Variants in KIF26B observed in about 807,000 individuals in gnomAD.
The protein encoded by KIF26B is kinesin-like protein KIF26B.
In KIF26B, 63 loss-of-function variants were observed where a neutral mutation model predicts 151.2. The observed-to-expected ratio is 0.42, with a 90% CI of 0.34 to 0.51. The LOEUF (loss-of-function observed/expected upper bound fraction) is 0.51. KIF26B is among the 20% of genes least tolerant of loss of function. The pLI, the probability that KIF26B is intolerant of heterozygous loss-of-function variation, is 0.07. For synonymous variants in KIF26B, 1,357 were observed against 1,262.1 expected (o/e 1.08, Z -1.59); for missense variants, 2,813 against 2,913.6 (o/e 0.97, Z 0.79).
chr1:245,377,713 G>A (rs1673310409), intron 3 of KIF26B, among the ~76,000 whole-genome samples: 1 of 152,172 alleles, frequency 6.6e-6, no homozygotes, highest in African/African-American at 2.4e-5. Context: ...GTACATGCGG[G>A]CTCTTTCCTT....
chr1:245,405,569 C>G (rs536553717), intron 3 of KIF26B, among the ~76,000 whole-genome samples: 1 of 151,824 alleles, frequency 6.6e-6, no homozygotes, highest in Non-Finnish European at 1.5e-5. Flanking sequence ...GACTCTCCCT[C>G]TCTGTATTTC....
chr1:245,175,856 C>T (rs1387145901), intron 2 of KIF26B, among the ~76,000 whole-genome samples: 1 of 150,822 alleles, frequency 6.6e-6, no homozygotes, highest in African/African-American at 2.4e-5. Flanking sequence ...GAAATTTTGC[C>T]TCAATGTTTA....
chr1:245,162,939 T>C (rs1417136952), intron 2 of KIF26B, among the ~76,000 whole-genome samples: 1 of 152,254 alleles, frequency 6.6e-6, no homozygotes, highest in Non-Finnish European at 1.5e-5. Context: ...TTTAGATCTC[T>C]AATCCATTGA....
chr1:245,174,082 G>A (rs923867154), intron 2 of KIF26B, among the ~76,000 whole-genome samples: 4 of 152,160 alleles, frequency 2.6e-5, no homozygotes, highest in South Asian at 2.1e-4. Context: ...TAATTACATC[G>A]CACATTTTGC....
intron 2 of KIF26B, among the ~76,000 whole-genome samples, chr1:245,350,480 C>T (rs1259492723): frequency 6.6e-6 from 1 of 152,150 alleles, no homozygotes; most frequent in Non-Finnish European, 1.5e-5. Context: ...CCAGTCTCAT[C>T]CCAGTGCAAA....
intron 2 of KIF26B, among the ~76,000 whole-genome samples, chr1:245,236,661 G>A (rs1044615794): frequency 2.0e-5 from 3 of 152,234 alleles, no homozygotes; most frequent in Non-Finnish European, 2.9e-5. Context: ...ATTTTTCCTT[G>A]TCCTTTCCTA....
At chr1:245,331,846 G>T (rs1279502119) in intron 2 of KIF26B, among the ~76,000 whole-genome samples, 1 of 152,096 alleles carries the variant, frequency 6.6e-6, no homozygotes, top group East Asian at 1.9e-4. Context: ...TCATCAGGAG[G>T]CCAGGCGTGG....
chr1:245,408,751 G>T (rs4658458), intron 3 of KIF26B, among the ~76,000 whole-genome samples: 34,638 of 151,940 alleles, frequency 0.23, 6,091 homozygotes, highest in African/African-American at 0.49. Context: ...TGGATGATGT[G>T]GGCCTGAGCT....
At chr1:245,305,625 C>G (rs1671520982) in intron 2 of KIF26B, among the ~76,000 whole-genome samples, 2 of 152,068 alleles carry the variant, frequency 1.3e-5, no homozygotes, top group Non-Finnish European at 2.9e-5. Flanking sequence ...GAAATTGAAT[C>G]CTTATACATT....
intron 5 of KIF26B, among the ~76,000 whole-genome samples, chr1:245,580,495 G>T (rs1241810134): frequency 6.6e-6 from 1 of 152,246 alleles, no homozygotes; most frequent in Non-Finnish European, 1.5e-5. Context: ...AGAGTGCCAG[G>T]ATGGCCTAGG....
chr1:245,660,005 C>T (rs910411251), intron 10 of KIF26B, among the ~76,000 whole-genome samples: 4 of 151,754 alleles, frequency 2.6e-5, no homozygotes, highest in Admixed American at 6.6e-5. Context: ...GCCGAGATCA[C>T]GCCATTGCAC....
At chr1:245,622,457 G>T (rs2043673918) in intron 9 of KIF26B, among the ~76,000 whole-genome samples, 1 of 152,208 alleles carries the variant, frequency 6.6e-6, no homozygotes. Flanking sequence ...GAGCAGTGCT[G>T]CATCAGCCTT....
chr1:245,384,787 A>G (rs1409414699), intron 3 of KIF26B, among the ~76,000 whole-genome samples: 2 of 152,276 alleles, frequency 1.3e-5, no homozygotes, highest in East Asian at 3.8e-4. Context: ...TTATGTTAAT[A>G]GTAAACTTGT....
At chr1:245,493,917 C>T (rs543686480) in intron 4 of KIF26B, among the ~76,000 whole-genome samples, 2 of 152,226 alleles carry the variant, frequency 1.3e-5, no homozygotes, top group African/African-American at 4.8e-5. Flanking sequence ...CCCTTTGAAG[C>T]ATTTGCCAAA....
At position 245,532,557 on chromosome 1, in the gene KIF26B, C is replaced by T. The variant is rs115533548; in HGVS notation, c.1167-8210C>T. 9.6e-3 allele frequency among the ~76,000 whole-genome samples: 1,455 copies of T among 152,082 alleles called. 16 individuals are homozygous for T. The highest frequency in any genetic ancestry group is 0.033 in the African/African-American group (1,353 of 41,490). ...GAAATTTTTAAGGGTAAATTCACAG[C>T]GATGATTTCCATTGGTTAACTCTGT... On this transcript the variant is annotated intron_variant, in intron 4 of 14. Coordinates refer to ENST00000407071, the MANE Select transcript of KIF26B (RefSeq NM_018012.4).
chr1:245,523,080 G>A (rs773503216), intron 4 of KIF26B, among the ~76,000 whole-genome samples: 5 of 152,102 alleles, frequency 3.3e-5, no homozygotes, highest in African/African-American at 4.8e-5. Flanking sequence ...TTACAGCTGG[G>A]GAAACTGTGG....
At chr1:245,487,990 G>T (rs1660319183) in intron 4 of KIF26B, among the ~76,000 whole-genome samples, 1 of 152,004 alleles carries the variant, frequency 6.6e-6, no homozygotes, top group African/African-American at 2.4e-5. Context: ...GCTTCTCCAA[G>T]TCGGCCACGT....
Position 245,611,904 on chromosome 1 carries a change from C to T in KIF26B, c.2026C>T (p.His676Tyr), listed in dbSNP as rs1189044190. 1 of 1,613,736 alleles carries T rather than the reference C, an allele frequency of 6.2e-7. No individual in the cohort carries two copies. The highest frequency in any genetic ancestry group is 2.2e-5 in the East Asian group (1 of 44,884). ...SHQQDCDEDD[H>Y]RNSHVFFTLH... is the part of the protein sequence containing the mutation. ...CCAACAGGACTGTGATGAGGACGAC[C>T]ACCGCAACTCACACGTGTTCTTCAC... The change falls in exon 9 of 15, where the codon CAC (histidine) becomes TAC (tyrosine). Residue 676 changes from histidine (H) to tyrosine (Y), a missense_variant. Around this residue, in one of 3 missense-constraint regions of KIF26B, gnomAD observed 2,060 missense variants for 2,088.6 expected, o/e 0.99. Coordinates refer to ENST00000407071, the MANE Select transcript of KIF26B (RefSeq NM_018012.4).
intron 4 of KIF26B, among the ~76,000 whole-genome samples, chr1:245,447,182 C>G (rs560013005): frequency 6.6e-6 from 1 of 152,156 alleles, no homozygotes; most frequent in Non-Finnish European, 1.5e-5. Context: ...CTGTGGTGCC[C>G]GTGGCCCATC....
Sources: gnomAD v4.1 joint callset for allele counts (sites outside exome capture counted in the v4.1 genomes callset) on GRCh38, gnomAD v4.1.1 for gene constraint, gnomAD v4.1.1 regional missense constraint, MANE v1.5 for transcripts, NCBI Gene and HGNC (gene_info 2026-07-23, HGNC 2026-07-21) for gene names.